TNIK: variants seen among roughly 807,000 people sequenced by gnomAD.
The protein encoded by TNIK is TRAF2 and NCK interacting kinase.
In TNIK, 49 loss-of-function variants were observed where a neutral mutation model predicts 191.3. That is an observed-to-expected ratio of 0.26 (90% CI 0.20 to 0.32). The LOEUF (loss-of-function observed/expected upper bound fraction) is 0.32, where lower values mean the gene tolerates loss of function less well. Among genes scored for constraint, TNIK ranks in the 10% least tolerant of loss-of-function variants. TNIK has a pLI of 1.00. For missense variants in TNIK, 1,155 were observed against 1,702.3 expected (o/e 0.68, Z 5.66); for synonymous variants, 594 against 600.9 (o/e 0.99, Z 0.17).
rs555916302 is a variant in TNIK, at chr3:171,352,946, A to C, written c.123+16674T>G. ...CCAAAGAACCTTCTAGAATAGCAACATATTTTGGCTGGGTTTCTACCTTAA... is the reference window on the plus strand; with the variant it reads ...CCAAAGAACCTTCTAGAATAGCAACCTATTTTGGCTGGGTTTCTACCTTAA... On this transcript the variant is annotated intron_variant, in intron 2 of 32. Coordinates refer to ENST00000436636, the MANE Select transcript of TNIK (RefSeq NM_015028.4). 7.2e-5 allele frequency among the ~76,000 whole-genome samples: 11 copies of C among 152,318 alleles called. 1 individual carries two copies. Among genetic ancestry groups the C allele is most frequent in the Non-Finnish European group, 1.2e-4 (8 of 68,030 alleles).
intron 3 of TNIK, among the ~76,000 whole-genome samples, chr3:171,227,394 TA>T (rs1215481408): frequency 4.6e-5 from 7 of 152,180 alleles, no homozygotes; most frequent in Non-Finnish European, 4.4e-5. Context: ...ACTAGGATCT[TA>T]GAGCCATCCA....
At chr3:171,417,544 A>C (rs1723247082) in intron 1 of TNIK, among the ~76,000 whole-genome samples, 1 of 152,220 alleles carries the variant, frequency 6.6e-6, no homozygotes, top group African/African-American at 2.4e-5. Context: ...GTTATAAAAA[A>C]AAGTTAAAAA....
chr3:171,327,900 T>TAAAAAAAAAAAAAAAAAAAAAAAAAA (rs71634497), intron 2 of TNIK, among the ~76,000 whole-genome samples: 3 of 79,634 alleles, frequency 3.8e-5, no homozygotes, highest in East Asian at 5.6e-4. Flanking sequence ...ACCTGGCTCA[T>TAAAAAAAAAAAAAAAAAAAAAAAAAA]AAAAAAAAAA....
intron 2 of TNIK, among the ~76,000 whole-genome samples, chr3:171,310,656 T>C (rs571076089): frequency 6.6e-6 from 1 of 152,296 alleles, no homozygotes; most frequent in South Asian, 2.1e-4. Flanking sequence ...TCTTTTACTT[T>C]TTGTATGAAA....
rs1201755649 is a variant in TNIK, at chr3:171,353,594, CA to C, written c.123+16025del. 2.6e-5 allele frequency among the ~76,000 whole-genome samples: 4 copies of C among 152,092 alleles called. No homozygotes were observed. The East Asian group carries it at 7.7e-4, about 29-fold the overall frequency. ...TAAAGACAAGAACTGCCAACCAAAG[CA>C]CATACTAAATCTATGAAACACCTGA... On this transcript the variant is annotated intron_variant, in intron 2 of 32. Transcript: ENST00000436636.
At chr3:171,335,205 G>A (rs574744355) in intron 2 of TNIK, among the ~76,000 whole-genome samples, 3 of 152,250 alleles carry the variant, frequency 2.0e-5, no homozygotes, top group African/African-American at 7.2e-5. Flanking sequence ...GACTGTTTGC[G>A]TGCAAGAAAA....
intron 2 of TNIK, among the ~76,000 whole-genome samples, chr3:171,356,017 A>T (rs922768641): frequency 6.6e-6 from 1 of 152,138 alleles, no homozygotes; most frequent in African/African-American, 2.4e-5. Context: ...GGAATAGAGG[A>T]AAAGTACAAA....
intron 2 of TNIK, among the ~76,000 whole-genome samples, chr3:171,285,616 G>GTAT (rs765413946): frequency 6.6e-6 from 1 of 152,126 alleles, no homozygotes; most frequent in Non-Finnish European, 1.5e-5. Flanking sequence ...CACCAAATCA[G>GTAT]TATTATTATT....
chr3:171,441,766 C>G (rs944943031), intron 1 of TNIK, among the ~76,000 whole-genome samples: 1 of 152,102 alleles, frequency 6.6e-6, no homozygotes, highest in Non-Finnish European at 1.5e-5. Context: ...ATAGACCCAC[C>G]GGCAATGTAT....
At chr3:171,228,254 T>G (rs774370059) in intron 2 of TNIK, 33 bp from the exon 3 acceptor site, 1 of 1,612,710 alleles carries the variant, frequency 6.2e-7, no homozygotes, top group South Asian at 1.1e-5. Context: ...AAAGATTTAG[T>G]TCTGATGATG....
Position 171,157,525 on chromosome 3 carries a change from G to T in TNIK, c.1156C>A (p.Gln386Lys). 6.4e-7 allele frequency: 1 copy of T among 1,572,186 alleles called. No homozygotes were observed. Among genetic ancestry groups the T allele is most frequent in the Non-Finnish European group, 8.6e-7 (1 of 1,159,112 alleles). ...CGCTTCTGACGCTCGGCCAGCAGCT[G>T]CCGCTTGTGCTCCTCATTCTCCCGC... Reference protein sequence around the residue: ...QQRENEEHKRQLLAERQKRIE... With the variant: ...QQRENEEHKRKLLAERQKRIE... The change falls in exon 12 of 33, where the codon CAG becomes AAG. Residue 386 changes from glutamine (Q) to lysine (K), a missense_variant. By Grantham distance (53) the Gln-to-Lys change is moderately conservative. Transcript: ENST00000436636.
chr3:171,314,314 A>G (rs980466874), intron 2 of TNIK, among the ~76,000 whole-genome samples: 2 of 152,126 alleles, frequency 1.3e-5, no homozygotes, highest in Non-Finnish European at 2.9e-5. Context: ...CCCTCTGCCT[A>G]TGACCCTGAG....
intron 6 of TNIK, among the ~76,000 whole-genome samples, chr3:171,189,659 T>A (rs1226685271): frequency 1.3e-5 from 2 of 150,746 alleles, no homozygotes; most frequent in African/African-American, 4.9e-5. Context: ...AAAATGAGGA[T>A]GATGACATCT....
intron 2 of TNIK, among the ~76,000 whole-genome samples, chr3:171,282,590 T>A (rs1437015356): frequency 6.6e-6 from 1 of 152,148 alleles, no homozygotes; most frequent in Non-Finnish European, 1.5e-5. Flanking sequence ...GTGATCCACC[T>A]GCCTCGGCCT....
At chr3:171,405,537 T>A (rs1223415810) in intron 1 of TNIK, among the ~76,000 whole-genome samples, 2 of 139,668 alleles carry the variant, frequency 1.4e-5, no homozygotes, top group African/African-American at 2.7e-5. Flanking sequence ...ACAAAAATCA[T>A]ACAGAGGCAA....
intron 2 of TNIK, among the ~76,000 whole-genome samples, chr3:171,299,599 T>C (rs1752681427): frequency 6.6e-6 from 1 of 152,196 alleles, no homozygotes; most frequent in Admixed American, 6.5e-5. Context: ...ATATCTTTCT[T>C]TTGCCTGAAA....
chr3:171,080,282 C>T (rs981779752), intron 27 of TNIK, among the ~76,000 whole-genome samples: 1 of 152,092 alleles, frequency 6.6e-6, no homozygotes, highest in African/African-American at 2.4e-5. Context: ...ACACAAGTAG[C>T]AAAACTTGAT....
At position 171,421,048 on chromosome 3, in the gene TNIK, G is replaced by A. The variant is rs28733324; in HGVS notation, c.57+38959C>T. Reference sequence around the variant, plus strand: ...CTGTGGAAAATGAACCCACAGATAAGGGGGACTACAGTACAAATCCTACCC... The same window carrying A: ...CTGTGGAAAATGAACCCACAGATAAAGGGGACTACAGTACAAATCCTACCC... On this transcript the variant is annotated intron_variant, in intron 1 of 32. Transcript: ENST00000436636. Among the ~76,000 whole-genome samples, 739 of 152,276 alleles carry A rather than the reference G, an allele frequency of 4.9e-3. 4 individuals are homozygous for A. Among genetic ancestry groups the A allele is most frequent in the African/African-American group, 0.017 (707 of 41,548 alleles).
intron 2 of TNIK, among the ~76,000 whole-genome samples, chr3:171,342,461 A>G (rs536205227): frequency 1.1e-4 from 17 of 152,144 alleles, no homozygotes; most frequent in African/African-American, 3.6e-4. Flanking sequence ...AGAAATCATC[A>G]CTCTCAAGCA....
Sources: gnomAD v4.1 joint callset for allele counts (sites outside exome capture counted in the v4.1 genomes callset) on GRCh38, gnomAD v4.1.1 for gene constraint, MANE v1.5 for transcripts, NCBI Gene and HGNC (gene_info 2026-07-23, HGNC 2026-07-21) for gene names.